ANKS1B: variants seen among roughly 807,000 people sequenced by gnomAD.
ANKS1B encodes ankyrin repeat and sterile alpha motif domain containing 1B.
In ANKS1B, 36 loss-of-function variants were observed where a neutral mutation model predicts 148.3. The ratio of observed to expected loss-of-function variants is 0.24; its 90% confidence interval spans 0.19 to 0.32. The LOEUF (loss-of-function observed/expected upper bound fraction) is 0.32. ANKS1B is among the 10% of genes least tolerant of loss of function. ANKS1B has a pLI of 1.00. For missense variants in ANKS1B, 1,157 were observed against 1,542.6 expected, an observed-to-expected ratio of 0.75 and a Z score of 4.19; for synonymous variants, 542 against 560.8, an observed-to-expected ratio of 0.97 and a Z score of 0.47.
At chr12:98,936,286 G>T (rs970417384) in intron 17 of ANKS1B, among the ~76,000 whole-genome samples, 1 of 152,148 alleles carries the variant, frequency 6.6e-6, no homozygotes, top group Non-Finnish European at 1.5e-5. Flanking sequence ...CAGGTCCCCT[G>T]ACTCCAAAGC....
chr12:99,248,565 A>G (rs2074172355), intron 12 of ANKS1B, among the ~76,000 whole-genome samples: 1 of 152,196 alleles, frequency 6.6e-6, no homozygotes, highest in East Asian at 1.9e-4. Flanking sequence ...ATAACTCTCT[A>G]TTTTATTTTC....
At chr12:99,625,113 TG>T (rs1469978539) in intron 9 of ANKS1B, among the ~76,000 whole-genome samples, 1 of 152,148 alleles carries the variant, frequency 6.6e-6, no homozygotes, top group Non-Finnish European at 1.5e-5. Flanking sequence ...TGGATGCAGC[TG>T]GAAGTCATTA....
At chr12:99,351,193 A>T (rs534725302) in intron 12 of ANKS1B, among the ~76,000 whole-genome samples, 1 of 152,154 alleles carries the variant, frequency 6.6e-6, no homozygotes, top group Admixed American at 6.6e-5. Flanking sequence ...AAGACAAGGG[A>T]CATTGGTCAT....
chr12:99,953,469 T>C (rs1198389985), intron 1 of ANKS1B, among the ~76,000 whole-genome samples: 3 of 152,192 alleles, frequency 2.0e-5, no homozygotes, highest in African/African-American at 7.2e-5. Flanking sequence ...GTATTGGTGG[T>C]TCTTTTTTCC....
At chr12:99,755,040 C>G (rs994924771) in intron 8 of ANKS1B, among the ~76,000 whole-genome samples, 1 of 149,894 alleles carries the variant, frequency 6.7e-6, no homozygotes, top group African/African-American at 2.5e-5. Context: ...AAAAAAAATC[C>G]AAAAGATTAA....
intron 1 of ANKS1B, among the ~76,000 whole-genome samples, chr12:99,826,900 C>T (rs1376418202): frequency 6.6e-6 from 1 of 152,040 alleles, no homozygotes; most frequent in African/African-American, 2.4e-5. Context: ...CACTTAAGCT[C>T]ACTAGTTTGA....
At chr12:99,648,526 A>C (rs2098395134) in intron 9 of ANKS1B, 3 of 1,614,148 alleles carry the variant, frequency 1.9e-6, no homozygotes, top group East Asian at 4.5e-5. Context: ...CTTAGAACTA[A>C]CCAGGCTGCT....
At chr12:99,128,311 C>T (rs967989195) in intron 15 of ANKS1B, among the ~76,000 whole-genome samples, 3 of 152,176 alleles carry the variant, frequency 2.0e-5, no homozygotes, top group Non-Finnish European at 4.4e-5. Context: ...CAAACTCTGA[C>T]CTTCTATAAA....
intron 17 of ANKS1B, among the ~76,000 whole-genome samples, chr12:99,013,171 C>G (rs1450841744): frequency 6.6e-6 from 1 of 152,180 alleles, no homozygotes. Context: ...AGTCATTAAT[C>G]CTGGGTGCCC....
At chr12:99,190,675 C>T (rs1396275027) in intron 14 of ANKS1B, among the ~76,000 whole-genome samples, 2 of 152,114 alleles carry the variant, frequency 1.3e-5, no homozygotes, top group East Asian at 1.9e-4. Context: ...CTTCCTTACA[C>T]CTTATACAAA....
At chr12:99,354,227 C>T (rs2091750995) in intron 12 of ANKS1B, among the ~76,000 whole-genome samples, 1 of 152,002 alleles carries the variant, frequency 6.6e-6, no homozygotes, top group Non-Finnish European at 1.5e-5. Context: ...GACCCTTTTT[C>T]TGTTCATTAG....
At chr12:99,329,549 C>T (rs2087102982) in intron 12 of ANKS1B, among the ~76,000 whole-genome samples, 1 of 151,876 alleles carries the variant, frequency 6.6e-6, no homozygotes, top group South Asian at 2.1e-4. Context: ...AGTACTTGTA[C>T]ATTTGTACAG....
chr12:99,829,023 G>A (rs557627867), intron 1 of ANKS1B, among the ~76,000 whole-genome samples: 1 of 151,728 alleles, frequency 6.6e-6, no homozygotes, highest in Non-Finnish European at 1.5e-5. Context: ...AAGTATCTCA[G>A]ATACTTAGAA....
intron 10 of ANKS1B, among the ~76,000 whole-genome samples, chr12:99,487,868 CTAA>C (rs919217109): frequency 3.7e-4 from 57 of 152,112 alleles, no homozygotes; most frequent in African/African-American, 1.2e-3. Context: ...TTCAATAGTT[CTAA>C]TATTATATTT....
chr12:99,118,106 T>C (rs1016326292), intron 15 of ANKS1B, among the ~76,000 whole-genome samples: 3 of 152,332 alleles, frequency 2.0e-5, no homozygotes, highest in Non-Finnish European at 1.5e-5. Context: ...AGTAGCAGGA[T>C]AGAACAATCT....
intron 12 of ANKS1B, among the ~76,000 whole-genome samples, chr12:99,393,390 G>C (rs4078400): frequency 0.04 from 6,130 of 152,240 alleles, 385 homozygotes; most frequent in African/African-American, 0.13. Flanking sequence ...GACTTTGGCA[G>C]CCAGGGAATG....
At chr12:99,610,579 G>GGA in intron 9 of ANKS1B, among the ~76,000 whole-genome samples, 1 of 152,144 alleles carries the variant, frequency 6.6e-6, no homozygotes, top group Middle Eastern at 3.4e-3. Context: ...CTGCCTTAGG[G>GGA]GAAAATGGGA....
chr12:99,745,687 A>G (rs1601273316), intron 8 of ANKS1B, among the ~76,000 whole-genome samples: 1 of 152,290 alleles, frequency 6.6e-6, no homozygotes, highest in East Asian at 1.9e-4. Flanking sequence ...TACAATTTAC[A>G]ATTTAATTAA....
chr12:99,356,817 C>T (rs1410447263), intron 12 of ANKS1B, among the ~76,000 whole-genome samples: 2 of 151,914 alleles, frequency 1.3e-5, no homozygotes, highest in African/African-American at 2.4e-5. Context: ...TAAGTCTATA[C>T]GTGTTTACTA....
Sources: gnomAD v4.1 joint callset for allele counts (sites outside exome capture counted in the v4.1 genomes callset) on GRCh38, gnomAD v4.1.1 for gene constraint, MANE v1.5 for transcripts, NCBI Gene and HGNC (gene_info 2026-07-23, HGNC 2026-07-21) for gene names.